The following PLCB4 variants were observed in gnomAD, a reference collection of about 807,000 sequenced individuals.
PLCB4 encodes the protein phospholipase C beta 4, also known as 1-phosphatidylinositol 4,5-bisphosphate phosphodiesterase beta-4.
Under a neutral mutation model 178.8 loss-of-function variants are expected in PLCB4, and 77 were observed. That is an observed-to-expected ratio of 0.43 (90% CI 0.36 to 0.52). The LOEUF (loss-of-function observed/expected upper bound fraction) is 0.52. Ranked by LOEUF, PLCB4 falls within the 20% of genes least tolerant of loss-of-function variation. The pLI is 0.00. For synonymous variants in PLCB4, 496 were observed against 490.8 expected (o/e 1.01, Z -0.14); for missense variants, 1,024 against 1,453.4 (o/e 0.70, Z 4.80).
chr20:9,192,327 G>A (rs897177857), intron 2 of PLCB4, among the ~76,000 whole-genome samples: 2 of 152,086 alleles, frequency 1.3e-5, no homozygotes, highest in African/African-American at 4.8e-5. Flanking sequence ...AGATCACACT[G>A]TCATTTCTCT....
In PLCB4 at chr20:9,182,413, G is replaced by A. The variant is rs567841191; in HGVS notation, c.-78-34977G>A. On this transcript the variant is annotated intron_variant, in intron 2 of 39. Coordinates refer to ENST00000378473, the MANE Select transcript of PLCB4 (RefSeq NM_001377142.1). The stretch of plus-strand genomic sequence containing the variant: ...AGTGTCTACGGGAGGCATGTTCTTC[G>A]TTTTTTGTCTAAAATTGAGGGTTTT... Among the ~76,000 whole-genome samples, 32 of 152,212 alleles carry A rather than the reference G, an allele frequency of 2.1e-4. No homozygotes were observed. In the South Asian group the frequency reaches 3.1e-3, roughly 15 times the overall value.
chr20:9,321,952 C>CTTTTCT (rs1555789689), intron 4 of PLCB4, among the ~76,000 whole-genome samples: 16,334 of 139,988 alleles, frequency 0.12, 1,114 homozygotes, highest in African/African-American at 0.18. Flanking sequence ...TTTTCTTTTT[C>CTTTTCT]TTTTTTTTTT....
intron 3 of PLCB4, among the ~76,000 whole-genome samples, chr20:9,272,406 A>G (rs1338105195): frequency 6.6e-6 from 1 of 152,038 alleles, no homozygotes; most frequent in African/African-American, 2.4e-5. Context: ...CTGACTGGCA[A>G]TCAGAAGTCT....
At chr20:9,231,990 T>A (rs961133496) in intron 3 of PLCB4, among the ~76,000 whole-genome samples, 1 of 152,158 alleles carries the variant, frequency 6.6e-6, no homozygotes, top group Non-Finnish European at 1.5e-5. Flanking sequence ...AGGTCATTGA[T>A]ACAAACAACA....
intron 7 of PLCB4, among the ~76,000 whole-genome samples, chr20:9,341,131 T>G (rs974564099): frequency 4.6e-5 from 7 of 152,126 alleles, no homozygotes; most frequent in Admixed American, 2.6e-4. Flanking sequence ...CCTGGGGAGA[T>G]GGCTCAAATC....
intron 3 of PLCB4, among the ~76,000 whole-genome samples, chr20:9,232,342 C>T (rs1298437760): frequency 6.6e-6 from 1 of 152,018 alleles, no homozygotes. Flanking sequence ...CATCATTACC[C>T]TAGAACAATA....
At chr20:9,255,467 ACAGGTCTT>A (rs1350555437) in intron 3 of PLCB4, among the ~76,000 whole-genome samples, 1 of 151,096 alleles carries the variant, frequency 6.6e-6, no homozygotes, top group African/African-American at 2.4e-5. Context: ...CCTCTCTACT[ACAGGTCTT>A]CAGTCTTTTT....
chr20:9,122,803 A>G (rs555380779), intron 2 of PLCB4, among the ~76,000 whole-genome samples: 2 of 152,260 alleles, frequency 1.3e-5, no homozygotes, highest in East Asian at 3.9e-4. Flanking sequence ...GCTGTCAATT[A>G]TTGTGCATCT....
At position 9,447,669 on chromosome 20, in the gene PLCB4, G is replaced by A. The variant is rs376456444; in HGVS notation, c.2880+3426G>A. Among the ~76,000 whole-genome samples, 14 of 152,262 alleles carry A rather than the reference G, an allele frequency of 9.2e-5. No individual in the cohort carries two copies. In the East Asian group the frequency reaches 9.6e-4, roughly 10 times the overall value. The stretch of plus-strand genomic sequence containing the variant: ...ACTGTGGCCATTTTTATAGCCTACC[G>A]GCTATTCAACAGATTAGCTTATTAA... On this transcript the variant is annotated intron_variant, in intron 32 of 39. Coordinates refer to ENST00000378473, the MANE Select transcript of PLCB4 (RefSeq NM_001377142.1).
chr20:9,307,516 C>T lies in PLCB4; in HGVS notation c.-15-284C>T, dbSNP rs1048134960. Reference sequence around the variant, plus strand: ...GAATACACACACACACACACACACACACACACACACACACACACACACACA... The same window carrying T: ...GAATACACACACACACACACACACATACACACACACACACACACACACACA... On this transcript the variant is annotated intron_variant, in intron 3 of 39. Coordinates refer to ENST00000378473, the MANE Select transcript of PLCB4 (RefSeq NM_001377142.1). Among the ~76,000 whole-genome samples the T allele has an allele frequency of 1.9e-4, 28 of 149,872 alleles. 1 individual carries two copies. The highest frequency in any genetic ancestry group is 6.7e-4 in the Admixed American group (10 of 15,012).
At chr20:9,369,980 A>G (rs1472863084) in intron 9 of PLCB4, among the ~76,000 whole-genome samples, 1 of 152,178 alleles carries the variant, frequency 6.6e-6, no homozygotes, top group Non-Finnish European at 1.5e-5. Context: ...TATCATGGTA[A>G]CACATTACCT....
In PLCB4 at chr20:9,218,420, A is replaced by T. The variant is rs116302795; in HGVS notation, c.-16+968A>T. On this transcript the variant is annotated intron_variant, in intron 3 of 39. Transcript: ENST00000378473. Reference sequence around the variant, plus strand: ...GAACCTGGCTCAAATTGCTATTTTTAAATTGCTGTTACAAGTAAAGCATTT... The same window carrying T: ...GAACCTGGCTCAAATTGCTATTTTTTAATTGCTGTTACAAGTAAAGCATTT... 7.6e-3 allele frequency among the ~76,000 whole-genome samples: 1,156 copies of T among 152,288 alleles called. 20 individuals are homozygous for T. The highest frequency in any genetic ancestry group is 0.027 in the African/African-American group (1,107 of 41,564).
At chr20:9,297,608 A>G (rs2094653626) in intron 3 of PLCB4, among the ~76,000 whole-genome samples, 1 of 152,112 alleles carries the variant, frequency 6.6e-6, no homozygotes, top group Non-Finnish European at 1.5e-5. Flanking sequence ...GCACTTAAGA[A>G]CATGACCCCT....
chr20:9,312,110 C>G (rs1377030512), intron 4 of PLCB4, among the ~76,000 whole-genome samples: 1 of 152,054 alleles, frequency 6.6e-6, no homozygotes, highest in Non-Finnish European at 1.5e-5. Context: ...CCGTTGGAAT[C>G]TCCAGAATTC....
intron 3 of PLCB4, among the ~76,000 whole-genome samples, chr20:9,294,674 G>A (rs1257649513): frequency 1.3e-5 from 2 of 152,150 alleles, no homozygotes; most frequent in Middle Eastern, 3.4e-3. Flanking sequence ...CTGGAGACTT[G>A]ATCTAAGGCT....
intron 2 of PLCB4, among the ~76,000 whole-genome samples, chr20:9,142,475 T>A (rs1280738921): frequency 6.6e-6 from 1 of 152,092 alleles, no homozygotes; most frequent in Non-Finnish European, 1.5e-5. Flanking sequence ...AATGAGTGCA[T>A]CATTAGATGC....
intron 13 of PLCB4, among the ~76,000 whole-genome samples, chr20:9,382,587 T>C (rs1303723583): frequency 2.0e-5 from 3 of 152,180 alleles, no homozygotes. Context: ...TCAAGGTCTT[T>C]GCACTTGATG....
intron 3 of PLCB4, among the ~76,000 whole-genome samples, chr20:9,268,581 T>C (rs2094371559): frequency 6.6e-6 from 1 of 152,050 alleles, no homozygotes; most frequent in African/African-American, 2.4e-5. Context: ...CACAGGAACC[T>C]CGGGAACTAA....
chr20:9,198,007 A>T (rs34723034), intron 2 of PLCB4, among the ~76,000 whole-genome samples: 1 of 152,054 alleles, frequency 6.6e-6, no homozygotes, highest in East Asian at 1.9e-4. Context: ...AAAAAAAAAA[A>T]CAAAATCTTA....
Sources: allele counts gnomAD v4.1 joint callset (sites outside exome capture counted in the v4.1 genomes callset), GRCh38; gene constraint gnomAD v4.1.1; transcripts MANE v1.5; gene names NCBI Gene and HGNC (gene_info 2026-07-23, HGNC 2026-07-21).